The following PEX5 variants were observed in gnomAD, a reference collection of about 807,000 sequenced individuals.
The protein encoded by PEX5 is PTS1 receptor.
A neutral mutation model predicts 82.9 loss-of-function variants in PEX5; 52 were observed. The ratio of observed to expected loss-of-function variants is 0.63; its 90% confidence interval spans 0.50 to 0.79. The LOEUF (loss-of-function observed/expected upper bound fraction) is 0.79, where lower values mean the gene tolerates loss of function less well. PEX5 is among the 30% of genes least tolerant of loss of function. The pLI is 0.00. For missense variants in PEX5, 719 were observed against 815.2 expected, an observed-to-expected ratio of 0.88 and a Z score of 1.44; for synonymous variants, 300 against 318.8, an observed-to-expected ratio of 0.94 and a Z score of 0.63.
At position 7,190,492 on chromosome 12, in the gene PEX5, C is replaced by G. The variant is rs751937990; in HGVS notation, c.115C>G (p.Pro39Ala). ...TCGGCAGGAGGGATTGAGGCCTGGC[C>G]CCTGGCCCCCCGGAGCCCCGGCCTC... ...ALRQEGLRPG[P>A]WPPGAPASEA... The change falls in exon 2 of 16, where the codon CCC becomes GCC. Residue 39 changes from proline (P) to alanine (A), a missense_variant. Physicochemically the swap from Pro to Ala is conservative, Grantham distance 27. Transcript: ENST00000675855. 2.2e-5 allele frequency: 35 copies of G among 1,613,480 alleles called. No individual in the cohort carries two copies. The highest frequency in any genetic ancestry group is 3.0e-5 in the Non-Finnish European group (35 of 1,179,756).
At chr12:7,199,176 TC>T in intron 6 of PEX5, 63 bp downstream of exon 6, 2 of 817,448 alleles carry the variant, frequency 2.4e-6, no homozygotes, top group Admixed American at 4.1e-5. Flanking sequence ...CCCAGCCTCC[TC>T]CATCCACGTT....
chr12:7,191,542 C>T (rs766423537), intron 4 of PEX5, 27 bp from the exon 5 acceptor site: 1 of 1,613,228 alleles, frequency 6.2e-7, no homozygotes, highest in South Asian at 1.1e-5. Context: ...TGTATTCTTT[C>T]TTAGTTTTCT....
In PEX5 at chr12:7,197,152, ATATGT is replaced by A. The variant is rs1221597891; in HGVS notation, c.449-1858_449-1854del. 9.9e-5 allele frequency among the ~76,000 whole-genome samples: 11 copies of A among 110,578 alleles called. 3 individuals are homozygous for A. Among genetic ancestry groups the A allele is most frequent in the African/African-American group, 3.9e-4 (11 of 28,510 alleles). 72.5% of individuals were successfully genotyped at this position (110,578 alleles called of 152,430 possible). ...ATGTCATATATAATGTAATAATTAT[ATATGT>A]CATATATAATGTAATTATATATGTC... On this transcript the variant is annotated intron_variant, in intron 5 of 15. Transcript: ENST00000675855.
chr12:7,210,119 A>C lies in PEX5; in HGVS notation c.1816A>C (p.Thr606Pro). 1 of 1,614,160 alleles carries C rather than the reference A, an allele frequency of 6.2e-7. No individual in the cohort carries two copies. The highest frequency in any genetic ancestry group is 8.5e-7 in the Non-Finnish European group (1 of 1,180,016). The change falls in exon 16 of 16, where the codon ACC becomes CCC. Residue 606 changes from threonine (T) to proline (P), a missense_variant. Coordinates refer to ENST00000675855, the MANE Select transcript of PEX5 (RefSeq NM_001351132.2). Reference sequence around the variant, plus strand: ...TGCCATGTCGGAGAACATCTGGAGCACCCTGCGTTTGGCATTGTCTATGTT... The same window carrying C: ...TGCCATGTCGGAGAACATCTGGAGCCCCCTGCGTTTGGCATTGTCTATGTT... ...GGAMSENIWSTLRLALSMLGQ... is the reference protein window; with the variant it reads ...GGAMSENIWSPLRLALSMLGQ...
chr12:7,213,856 C>G (rs1377026345), downstream of PEX5, among the ~76,000 whole-genome samples: 1 of 151,216 alleles, frequency 6.6e-6, no homozygotes, highest in East Asian at 1.9e-4. Flanking sequence ...CCAGAATCTA[C>G]AATGAACTCA....
rs1324287607 is a variant in PEX5, at chr12:7,202,239, A to C, written c.643-2A>C. On this transcript the variant is annotated splice_acceptor_variant, in intron 7 of 15. Transcript: ENST00000675855. LOFTEE classifies it high-confidence loss of function. ...TGGCCTGTGTGTGTCTCTGTGCCCC[A>C]GTTCCTGAAATTCGTGCGGCAGATT... The C allele has an allele frequency of 6.2e-7, 1 of 1,614,042 alleles. No individual in the cohort carries two copies. The highest frequency in any genetic ancestry group is 8.5e-7 in the Non-Finnish European group (1 of 1,180,010).
chr12:7,190,013 T>C (rs2135866918), intron 1 of PEX5: 1 of 1,504,398 alleles, frequency 6.6e-7, no homozygotes, highest in East Asian at 2.5e-5. Context: ...CTGTCCCTTC[T>C]TCGGGCAGTG....
At chr12:7,213,355 C>T (rs1414073857), downstream of PEX5, among the ~76,000 whole-genome samples, 1 of 151,574 alleles carries the variant, frequency 6.6e-6, no homozygotes, top group African/African-American at 2.4e-5. Context: ...GTAACCAAAA[C>T]AGCATGGTAC....
At chr12:7,194,946 C>T (rs1941828160) in intron 5 of PEX5, among the ~76,000 whole-genome samples, 9 of 152,220 alleles carry the variant, frequency 5.9e-5, no homozygotes, top group Admixed American at 5.9e-4. Context: ...TTGGTTTTCA[C>T]CGCAGCCCCT....
chr12:7,189,614 G>C, upstream of PEX5: 1 of 292,056 alleles, frequency 3.4e-6, no homozygotes, highest in East Asian at 5.9e-5. Context: ...GACAGCTTCC[G>C]CTGGGCCTGG....
At position 7,197,255 on chromosome 12, in the gene PEX5, GTAATAATTATATATGTCATATA is replaced by G. The variant is rs1242496042; in HGVS notation, c.449-1751_449-1730del. Among the ~76,000 whole-genome samples the G allele has an allele frequency of 2.6e-4, 17 of 64,438 alleles. No homozygotes were observed. The East Asian group carries it at 5.7e-3, about 21-fold the overall frequency. 42.3% of individuals were successfully genotyped at this position (64,438 alleles called of 152,430 possible). ...CATATGTAATAATTATATGTCATATGTAATAATTATATATGTCATATATAATGTAATAATTATATATGTCATA... is the reference window on the plus strand; with the variant it reads ...CATATGTAATAATTATATGTCATATGTAATGTAATAATTATATATGTCATA... On this transcript the variant is annotated intron_variant, in intron 5 of 15. Transcript: ENST00000675855.
intron 6 of PEX5, among the ~76,000 whole-genome samples, chr12:7,201,267 GTA>G (rs1491500298): frequency 9.4e-6 from 1 of 106,940 alleles, no homozygotes; most frequent in East Asian, 2.4e-4. Context: ...GCGTACACAT[GTA>G]TACACACACA....
In PEX5 at chr12:7,190,370, C is replaced by T. The variant is rs1448269340; in HGVS notation, c.-8C>T. On this transcript the variant is annotated 5_prime_UTR_variant, in exon 2 of 16. Coordinates refer to ENST00000675855, the MANE Select transcript of PEX5 (RefSeq NM_001351132.2). ...CCTCCTGTGTCCATCAGAGAGCTGG[C>T]GGTCACCATGGCAATGCGGGAGCTG... 9 of 1,614,070 alleles carry T rather than the reference C, an allele frequency of 5.6e-6. No individual in the cohort carries two copies. The highest frequency in any genetic ancestry group is 7.6e-6 in the Non-Finnish European group (9 of 1,179,960).
chr12:7,212,242 G>A (rs1945627346), downstream of PEX5, among the ~76,000 whole-genome samples: 1 of 151,738 alleles, frequency 6.6e-6, no homozygotes, highest in South Asian at 2.1e-4. Flanking sequence ...TGGGATTACA[G>A]ACGTGAGCCA....
chr12:7,191,736 T>C (rs1941169004), intron 5 of PEX5, 36 bp downstream of exon 5: 1 of 1,597,840 alleles, frequency 6.3e-7, no homozygotes, highest in Non-Finnish European at 8.6e-7. Context: ...TATTGGCTTC[T>C]ATGGGACAGA....
At chr12:7,196,236 AT>A (rs1565681967) in intron 5 of PEX5, among the ~76,000 whole-genome samples, 2 of 33,384 alleles carry the variant, frequency 6.0e-5, no homozygotes, top group Non-Finnish European at 1.8e-4. Context: ...ATATAATTTA[AT>A]TATATGTCAT....
chr12:7,205,069 A>G (rs1343649652), intron 10 of PEX5, among the ~76,000 whole-genome samples: 1 of 152,230 alleles, frequency 6.6e-6, no homozygotes, highest in Non-Finnish European at 1.5e-5. Context: ...AAACCGTAAA[A>G]TGCCTAGAAG....
chr12:7,215,284 T>A (rs1013281511), downstream of PEX5, among the ~76,000 whole-genome samples: 4 of 152,206 alleles, frequency 2.6e-5, no homozygotes, highest in African/African-American at 9.7e-5. Flanking sequence ...GAAGGGGACT[T>A]ATACTCTGTT....
chr12:7,195,484 A>G (rs1270781505), intron 5 of PEX5, among the ~76,000 whole-genome samples: 1 of 152,168 alleles, frequency 6.6e-6, no homozygotes, highest in Non-Finnish European at 1.5e-5. Context: ...AATCTGGCCA[A>G]CTACCAAATT....
Sources: allele counts gnomAD v4.1 joint callset (sites outside exome capture counted in the v4.1 genomes callset), GRCh38; gene constraint gnomAD v4.1.1; transcripts MANE v1.5; gene names NCBI Gene and HGNC (gene_info 2026-07-23, HGNC 2026-07-21).